Variants in TJP1 observed in about 807,000 individuals in gnomAD.
The protein encoded by TJP1 is tight junction protein ZO-1.
Under a neutral mutation model 194.2 loss-of-function variants are expected in TJP1, and 43 were observed. The ratio of observed to expected loss-of-function variants is 0.22; its 90% confidence interval spans 0.17 to 0.29. TJP1 has a LOEUF of 0.29. Ranked by LOEUF, TJP1 falls within the 10% of genes least tolerant of loss-of-function variation. TJP1 has a pLI of 1.00. For synonymous variants in TJP1, 801 were observed against 779.0 expected (o/e 1.03, Z -0.47); for missense variants, 1,971 against 2,185.7 (o/e 0.90, Z 1.96).
At chr15:29,794,100 T>C (rs1046274608) in intron 2 of TJP1, among the ~76,000 whole-genome samples, 3 of 152,238 alleles carry the variant, frequency 2.0e-5, no homozygotes, top group Non-Finnish European at 4.4e-5. Context: ...TGGGCTTTTC[T>C]TTGATGATTT....
intron 2 of TJP1, among the ~76,000 whole-genome samples, chr15:29,795,719 T>C (rs1038004587): frequency 1.3e-5 from 2 of 151,934 alleles, no homozygotes; most frequent in African/African-American, 4.8e-5. Flanking sequence ...ATATAAACAA[T>C]GTTAAAAAAA....
rs17671751 is a variant in TJP1, at chr15:29,761,641, A to G, written c.822T>C (p.Leu274=). Residue 274 remains leucine, a synonymous_variant, in exon 7 of 28, where the codon CTT becomes CTC. Transcript: ENST00000614355. The part of the protein sequence containing the change: ...ERATLLNVPD[L]SDSIHSANAS... ...CATTAGCAGAGTGGATGCTGTCAGA[A>G]AGATCAGGGACATTCAATAGCGTAG... The G allele has an allele frequency of 0.017, 27,351 of 1,607,072 alleles. 300 individuals carry two copies. Among genetic ancestry groups the G allele is most frequent in the Middle Eastern group, 0.026 (156 of 6,044 alleles).
chr15:29,870,398 A>G (rs1406115520), intron 2 of TJP1, among the ~76,000 whole-genome samples: 1 of 152,250 alleles, frequency 6.6e-6, no homozygotes, highest in Non-Finnish European at 1.5e-5. Context: ...TATATTAAGT[A>G]TGCAAAATTA....
At chr15:29,917,077 T>G (rs1229515654) in intron 2 of TJP1, among the ~76,000 whole-genome samples, 3 of 152,220 alleles carry the variant, frequency 2.0e-5, no homozygotes, top group African/African-American at 7.2e-5. Flanking sequence ...ATTGTTGTTT[T>G]CTGCTTTCTT....
chr15:29,864,236 AC>A (rs2052212286), intron 2 of TJP1, among the ~76,000 whole-genome samples: 2 of 138,782 alleles, frequency 1.4e-5, no homozygotes, highest in African/African-American at 5.7e-5. Flanking sequence ...TACTAAAAAT[AC>A]AAAAAAAAAA....
intron 2 of TJP1, among the ~76,000 whole-genome samples, chr15:29,778,985 G>A (rs77275846): frequency 3.9e-5 from 6 of 152,214 alleles, no homozygotes; most frequent in South Asian, 2.1e-4. Context: ...GATTAAGCCC[G>A]CCAAACTTAA....
chr15:29,846,580 T>C (rs1157368396), intron 2 of TJP1, among the ~76,000 whole-genome samples: 1 of 151,932 alleles, frequency 6.6e-6, no homozygotes, highest in African/African-American at 2.4e-5. Context: ...TCCAGGTAAA[T>C]TGGAGCAGTG....
At chr15:29,884,409 T>C (rs1230697952) in intron 2 of TJP1, among the ~76,000 whole-genome samples, 1 of 152,308 alleles carries the variant, frequency 6.6e-6, no homozygotes, top group Middle Eastern at 3.4e-3. Context: ...CCAAGCACCT[T>C]ATTTCATTCT....
At chr15:29,887,714 A>G (rs1258871332) in intron 2 of TJP1, among the ~76,000 whole-genome samples, 1 of 152,218 alleles carries the variant, frequency 6.6e-6, no homozygotes, top group African/African-American at 2.4e-5. Context: ...CAAATCTTAA[A>G]CTTCTATTTT....
chr15:29,926,822 G>A (rs1406656625), intron 2 of TJP1, among the ~76,000 whole-genome samples: 2 of 151,662 alleles, frequency 1.3e-5, no homozygotes, highest in African/African-American at 2.4e-5. Flanking sequence ...CTTCACTTTG[G>A]TGTCTTCTCT....
At chr15:29,801,677 G>A (rs1193743769) in intron 1 of TJP1, among the ~76,000 whole-genome samples, 1 of 150,996 alleles carries the variant, frequency 6.6e-6, no homozygotes, top group African/African-American at 2.5e-5. Context: ...TAGCCGGGAT[G>A]GTCTCGATCT....
intron 4 of TJP1, among the ~76,000 whole-genome samples, chr15:29,770,829 AAAG>A (rs2046622282): frequency 6.6e-6 from 1 of 152,148 alleles, no homozygotes; most frequent in Admixed American, 6.5e-5. Flanking sequence ...ATTATTGAAG[AAAG>A]AAGACTTAAA....
chr15:29,786,127 C>A (rs780388456), intron 2 of TJP1, among the ~76,000 whole-genome samples: 2 of 152,200 alleles, frequency 1.3e-5, no homozygotes, highest in Non-Finnish European at 2.9e-5. Flanking sequence ...AAATGCTGTT[C>A]AATCTTCTAT....
chr15:29,748,298 G>A (rs1015628555), intron 8 of TJP1, among the ~76,000 whole-genome samples: 4 of 152,122 alleles, frequency 2.6e-5, no homozygotes, highest in South Asian at 2.1e-4. Flanking sequence ...AATACACCTC[G>A]ATTTGGACTG....
chr15:29,907,538 G>C (rs1347473978), intron 2 of TJP1, among the ~76,000 whole-genome samples: 1 of 152,126 alleles, frequency 6.6e-6, no homozygotes, highest in Non-Finnish European at 1.5e-5. Flanking sequence ...CAATTTCGGA[G>C]GTTTGTGTGA....
intron 8 of TJP1, among the ~76,000 whole-genome samples, chr15:29,748,019 G>A (rs2044926043): frequency 6.6e-6 from 1 of 152,036 alleles, no homozygotes; most frequent in African/African-American, 2.4e-5. Context: ...TTTTGTTAGT[G>A]CATTTCCATT....
chr15:29,778,049 C>A lies in TJP1; in HGVS notation c.85-4692G>T, dbSNP rs188115680. On this transcript the variant is annotated intron_variant, in intron 2 of 27. Coordinates refer to ENST00000614355, the MANE Select transcript of TJP1 (RefSeq NM_001330239.4). ...AAAAACATAAAAAGATTAAAAAAAACCAAAAACATTAGGAACTTTCAATAA... is the reference window on the plus strand; with the variant it reads ...AAAAACATAAAAAGATTAAAAAAAAACAAAAACATTAGGAACTTTCAATAA... Among the ~76,000 whole-genome samples the A allele has an allele frequency of 1.0e-3, 153 of 151,974 alleles. 5 individuals carry two copies. Among genetic ancestry groups the A allele is most frequent in the African/African-American group, 3.1e-3 (129 of 41,460 alleles).
intron 2 of TJP1, among the ~76,000 whole-genome samples, chr15:29,939,919 T>C (rs1210869931): frequency 6.6e-6 from 1 of 152,160 alleles, no homozygotes; most frequent in Admixed American, 6.5e-5. Context: ...ACTTCTGTTG[T>C]TTATAACCCC....
At chr15:29,747,846 AT>A (rs2044911511) in intron 8 of TJP1, among the ~76,000 whole-genome samples, 1 of 152,204 alleles carries the variant, frequency 6.6e-6, no homozygotes, top group South Asian at 2.1e-4. Flanking sequence ...GAGTATTTTT[AT>A]CTTTGGCCAA....
Sources: gnomAD v4.1 joint callset for allele counts (sites outside exome capture counted in the v4.1 genomes callset) on GRCh38, gnomAD v4.1.1 for gene constraint, MANE v1.5 for transcripts, NCBI Gene and HGNC (gene_info 2026-07-23, HGNC 2026-07-21) for gene names.